The following TOLLIP variants were observed in gnomAD, a reference collection of about 807,000 sequenced individuals.
TOLLIP encodes toll interacting protein.
Under a neutral mutation model 33.5 loss-of-function variants are expected in TOLLIP, and 16 were observed. That is an observed-to-expected ratio of 0.48 (90% CI 0.32 to 0.72). The LOEUF (loss-of-function observed/expected upper bound fraction) is 0.72, where lower values mean the gene tolerates loss of function less well. Ranked by LOEUF, TOLLIP falls within the 30% of genes least tolerant of loss-of-function variation. The pLI is 0.03. For missense variants in TOLLIP, 325 were observed against 396.6 expected (o/e 0.82, Z 1.53); for synonymous variants, 176 against 163.7 (o/e 1.07, Z -0.57).
chr11:1,280,657 C>T (rs1230989478), intron 5 of TOLLIP, among the ~76,000 whole-genome samples: 2 of 152,062 alleles, frequency 1.3e-5, no homozygotes, highest in African/African-American at 4.8e-5. Flanking sequence ...CCTATGCGGG[C>T]CAGGCTGGGG....
chr11:1,309,330 C>G (rs1864523517), intron 1 of TOLLIP, 136 bp downstream of exon 1: 1 of 422,304 alleles, frequency 2.4e-6, no homozygotes, highest in Admixed American at 4.9e-5. Flanking sequence ...CCCCTCCGGC[C>G]GGCCAGGCGC....
rs540662364 is a variant in TOLLIP, at chr11:1,278,889, C to T, written c.611-1636G>A. Among the ~76,000 whole-genome samples the T allele has an allele frequency of 1.2e-4, 19 of 152,316 alleles. No individual in the cohort carries two copies. In the South Asian group the frequency reaches 2.1e-3, roughly 17 times the overall value. On this transcript the variant is annotated intron_variant, in intron 5 of 5. Transcript: ENST00000317204. This position sits in a 1 kb window ranked among gnomAD's most constrained non-coding sequence, Gnocchi z 4.7. ...GATCCCCGTGGCTTTTTGGGCGCCC[C>T]GGCTGGCAGGCGGGCAGGAACTTGG... is the stretch of plus-strand genomic sequence containing the variant.
At chr11:1,297,767 G>A (rs1179803705) in intron 1 of TOLLIP, among the ~76,000 whole-genome samples, 1 of 152,224 alleles carries the variant, frequency 6.6e-6, no homozygotes, top group Non-Finnish European at 1.5e-5. Context: ...AGCGGAGTGG[G>A]CCCATGCCAG....
At chr11:1,293,767 T>C (rs1864024378) in intron 2 of TOLLIP, among the ~76,000 whole-genome samples, 1 of 152,210 alleles carries the variant, frequency 6.6e-6, no homozygotes, top group Non-Finnish European at 1.5e-5. Flanking sequence ...TGGAGTGCCC[T>C]GCGGTCACCA....
At position 1,279,743 on chromosome 11, in the gene TOLLIP, A is replaced by G. The variant is rs146558058; in HGVS notation, c.611-2490T>C. On this transcript the variant is annotated intron_variant, in intron 5 of 5. Transcript: ENST00000317204. ...AAATTCTCTACTGACAAACACAAGG[A>G]TACCCAGGAAAACCAAAACTTGTCC... Among the ~76,000 whole-genome samples, 335 of 152,358 alleles carry G rather than the reference A, an allele frequency of 2.2e-3. 5 individuals carry two copies. The highest frequency in any genetic ancestry group is 7.6e-3 in the African/African-American group (318 of 41,594).
chr11:1,294,193 G>A (rs929464135), intron 2 of TOLLIP, among the ~76,000 whole-genome samples: 2 of 140,270 alleles, frequency 1.4e-5, no homozygotes, highest in African/African-American at 5.5e-5. Context: ...GCATTTCTAT[G>A]AAAGCCGTGT....
chr11:1,295,494 C>A, intron 2 of TOLLIP, 151 bp downstream of exon 2: 2 of 1,025,336 alleles, frequency 2.0e-6, no homozygotes, highest in Non-Finnish European at 2.8e-6. Flanking sequence ...TCACACAGAT[C>A]GTTTTCAACA....
At chr11:1,297,901 T>G (rs1864157758) in intron 1 of TOLLIP, among the ~76,000 whole-genome samples, 1 of 152,200 alleles carries the variant, frequency 6.6e-6, no homozygotes, top group African/African-American at 2.4e-5. Flanking sequence ...CTGTTCCTGT[T>G]GGCACACAGG....
rs983806645 is a variant in TOLLIP, at chr11:1,277,835, C to T, written c.611-582G>A. 6.6e-6 allele frequency among the ~76,000 whole-genome samples: 1 copy of T among 152,260 alleles called. No individual in the cohort carries two copies. The highest frequency in any genetic ancestry group is 3.4e-3 in the Middle Eastern group (1 of 294). On this transcript the variant is annotated intron_variant, in intron 5 of 5. Transcript: ENST00000317204. This position sits in a 1 kb window ranked among gnomAD's most constrained non-coding sequence, Gnocchi z 4.2. ...CTGAAGACCTCAGCAAAGCTGCAGCCGATGCCCAGAATGACAACCCCACAC... is the reference window on the plus strand; with the variant it reads ...CTGAAGACCTCAGCAAAGCTGCAGCTGATGCCCAGAATGACAACCCCACAC...
intron 3 of TOLLIP, 72 bp from the exon 4 acceptor site, chr11:1,288,848 G>A (rs550072884): frequency 1.2e-4 from 181 of 1,527,360 alleles, no homozygotes; most frequent in South Asian, 2.9e-4. Flanking sequence ...CCGCACCATC[G>A]TGGGCCCGCC....
chr11:1,286,225 C>A (rs1863688365), intron 4 of TOLLIP, 133 bp from the exon 5 acceptor site: 3 of 671,080 alleles, frequency 4.5e-6, no homozygotes, highest in Non-Finnish European at 5.2e-6. Flanking sequence ...CCCAGAATCA[C>A]CCTCGCTACA....
intron 1 of TOLLIP, among the ~76,000 whole-genome samples, chr11:1,304,815 T>C (rs5743888): frequency 0.012 from 1,852 of 152,212 alleles, 24 homozygotes; most frequent in African/African-American, 0.042. Context: ...AATAAGAAAA[T>C]GTAGGACAAA....
At chr11:1,304,389 C>T in intron 1 of TOLLIP, among the ~76,000 whole-genome samples, 1 of 152,166 alleles carries the variant, frequency 6.6e-6, no homozygotes, top group South Asian at 2.1e-4. Context: ...AGGAAAGTGA[C>T]CCCAAATGGA....
rs1027246253 is a variant in TOLLIP at position 1,277,136 on chromosome 11, T to C, written c.728A>G (p.Asn243Ser). Residue 243 changes from asparagine to serine, a missense_variant, in exon 6 of 6, where the codon AAC becomes AGC. Asn to Ser is a conservative substitution (Grantham distance 46). Coordinates refer to ENST00000317204, the MANE Select transcript of TOLLIP (RefSeq NM_019009.4). This position sits in a 1 kb window ranked among gnomAD's most constrained non-coding sequence, Gnocchi z 4.2. ...DLKAIQDMFP[N>S]MDQEVIRSVL... ...GGAGCGGATCACCTCCTGGTCCATG[T>C]TGGGGAACATGTCCTGGATGGCTTT... 1.9e-6 allele frequency: 3 copies of C among 1,614,040 alleles called. No homozygotes were observed. Among genetic ancestry groups the C allele is most frequent in the Non-Finnish European group, 2.5e-6 (3 of 1,179,926 alleles).
intron 2 of TOLLIP, chr11:1,291,819 G>A (rs958908484): frequency 4.9e-5 from 7 of 141,680 alleles, no homozygotes; most frequent in South Asian, 1.5e-4. Flanking sequence ...CGTCCTCACC[G>A]ACCCACCTCT....
chr11:1,291,596 C>T (rs1184401192), intron 2 of TOLLIP, among the ~76,000 whole-genome samples: 1 of 151,558 alleles, frequency 6.6e-6, no homozygotes, highest in Non-Finnish European at 1.5e-5. Context: ...CCTGTCCTCA[C>T]TGAACCCTCT....
rs973959676 is a variant in TOLLIP at position 1,275,854 on chromosome 11, A to G, written c.*1185T>C. The G allele has an allele frequency of 1.3e-5, 2 of 152,218 alleles. No individual in the cohort carries two copies. The highest frequency in any genetic ancestry group is 2.9e-5 in the Non-Finnish European group (2 of 68,042). The allele number at this position is 152,218 out of a possible 1,614,324, so 9.4% of individuals were successfully genotyped here. ...TTCTGTCCGTTATCAGTGGGTTTAC[A>G]TCCGAAGGCCGGCGGCAAGACACTT... On this transcript the variant is annotated 3_prime_UTR_variant, in exon 6 of 6. Coordinates refer to ENST00000317204, the MANE Select transcript of TOLLIP (RefSeq NM_019009.4).
At position 1,290,315 on chromosome 11, in the gene TOLLIP, T is replaced by C. The variant is rs753157997; in HGVS notation, c.278A>G (p.Asn93Ser). The change falls in exon 3 of 6, where the codon AAT becomes AGT. Residue 93 changes from asparagine (N) to serine (S), a missense_variant. Asn to Ser is a conservative substitution (Grantham distance 46, BLOSUM62 1). Transcript: ENST00000317204. The surrounding 1 kb of genome is among the most constrained non-coding windows in gnomAD (Gnocchi z 4.9). The part of the protein sequence containing the change: ...YAVYETPTAH[N>S]GAKNPRWNKV... ...ATTCCAGCGGGGATTCTTGGCGCCA[T>C]TGTGTGCCGTGGGCGTCTCGTACAC... The C allele has an allele frequency of 5.6e-6, 9 of 1,613,566 alleles. No individual in the cohort carries two copies. The highest frequency in any genetic ancestry group is 5.9e-6 in the Non-Finnish European group (7 of 1,179,936).
chr11:1,289,052 T>C lies in TOLLIP; in HGVS notation c.367-276A>G, dbSNP rs190839632. On this transcript the variant is annotated intron_variant, in intron 3 of 5. Coordinates refer to ENST00000317204, the MANE Select transcript of TOLLIP (RefSeq NM_019009.4). ...GCTGGGGAAAGCGAGGGCCCTGGGC[T>C]GCTGTCCTCCTTCAGTTCCACTTCA... 1.7e-3 allele frequency among the ~76,000 whole-genome samples: 252 copies of C among 152,318 alleles called. 1 individual carries two copies. The highest frequency in any genetic ancestry group is 1.4e-3 in the Non-Finnish European group (97 of 68,022).
Sources: allele counts gnomAD v4.1 joint callset (sites outside exome capture counted in the v4.1 genomes callset), GRCh38; gene constraint gnomAD v4.1.1; non-coding constraint Gnocchi (gnomAD v3.1); transcripts MANE v1.5; gene names NCBI Gene and HGNC (gene_info 2026-07-23, HGNC 2026-07-21).